The following BACH2 variants were observed in gnomAD, a reference collection of about 807,000 sequenced individuals.
BACH2 encodes BACH transcriptional regulator 2.
Under a neutral mutation model 61.8 loss-of-function variants are expected in BACH2, and 5 were observed. The ratio of observed to expected loss-of-function variants is 0.08; its 90% confidence interval spans 0.04 to 0.17. The LOEUF (loss-of-function observed/expected upper bound fraction) is 0.17. BACH2 is among the 10% of genes least tolerant of loss of function. The probability of loss-of-function intolerance (pLI) is 1.00; values close to 1 mark genes in which losing one functional copy is unlikely to be tolerated. For missense variants in BACH2, 824 were observed against 1,091.1 expected, an observed-to-expected ratio of 0.76 and a Z score of 3.45; for synonymous variants, 446 against 440.1, an observed-to-expected ratio of 1.01 and a Z score of -0.17.
chr6:90,217,249 T>C (rs1004591048), intron 3 of BACH2, among the ~76,000 whole-genome samples: 1 of 152,164 alleles, frequency 6.6e-6, no homozygotes, highest in Non-Finnish European at 1.5e-5. Context: ...ACTATCAAAA[T>C]TCAGTGGTAG....
At position 90,213,753 on chromosome 6, in the gene BACH2, G is replaced by A. The variant is rs533126512; in HGVS notation, c.-274-7072C>T. Among the ~76,000 whole-genome samples the A allele has an allele frequency of 2.6e-5, 4 of 152,150 alleles. No homozygotes were observed. In the South Asian group the frequency reaches 8.3e-4, roughly 32 times the overall value. On this transcript the variant is annotated intron_variant, in intron 3 of 8. Coordinates refer to ENST00000257749, the MANE Select transcript of BACH2 (RefSeq NM_021813.4). ...TACCCAAATACCCAGCACCTATCCC[G>A]CTGCCTTACATACATACAGTAGGCA...
At chr6:90,108,722 A>T (rs1395129807) in intron 4 of BACH2, among the ~76,000 whole-genome samples, 1 of 152,216 alleles carries the variant, frequency 6.6e-6, no homozygotes, top group Non-Finnish European at 1.5e-5. Flanking sequence ...CTCTAGACTT[A>T]AGATAGTGAA....
intron 3 of BACH2, among the ~76,000 whole-genome samples, chr6:90,246,344 T>C (rs1206421126): frequency 6.6e-6 from 1 of 152,216 alleles, no homozygotes; most frequent in Non-Finnish European, 1.5e-5. Context: ...AATACAATTT[T>C]TCCACTTTTA....
chr6:90,219,861 C>T (rs1404253562), intron 3 of BACH2, among the ~76,000 whole-genome samples: 1 of 152,116 alleles, frequency 6.6e-6, no homozygotes, highest in Non-Finnish European at 1.5e-5. Flanking sequence ...ACGTCAGTCT[C>T]ACACAGGATG....
chr6:89,938,274 T>C lies in BACH2; in HGVS notation c.1913A>G (p.Lys638Arg), dbSNP rs532565051. ...NDFQMMIKMH[K>R]LTSEQLEFIH... The stretch of plus-strand genomic sequence containing the variant: ...AAACTCTAACTGTTCTGAGGTTAGC[T>C]TGTGCATTTTAATCATCATCTGGAA... The change falls in exon 8 of 9, where the codon AAG (lysine) becomes AGG (arginine). Residue 638 changes from lysine (K) to arginine (R), a missense_variant. Around this residue, in one of 8 missense-constraint regions of BACH2, gnomAD observed 160 missense variants for 283.5 expected, o/e 0.56. Transcript: ENST00000257749. 2.5e-6 allele frequency: 4 copies of C among 1,614,266 alleles called. No individual in the cohort carries two copies. In the African/African-American group the frequency reaches 5.3e-5, roughly 21 times the overall value.
At chr6:90,270,717 G>GA (rs1238131722) in intron 2 of BACH2, among the ~76,000 whole-genome samples, 2 of 152,020 alleles carry the variant, frequency 1.3e-5, no homozygotes. Context: ...CATAGAACTA[G>GA]AAAAAACAAT....
intron 4 of BACH2, among the ~76,000 whole-genome samples, chr6:90,180,488 A>G (rs1259182349): frequency 6.6e-6 from 1 of 152,162 alleles, no homozygotes; most frequent in African/African-American, 2.4e-5. Context: ...CAAGTAGTGT[A>G]CACTGTACCC....
intron 6 of BACH2, among the ~76,000 whole-genome samples, chr6:89,998,003 G>A (rs990951406): frequency 2.6e-5 from 4 of 152,022 alleles, no homozygotes; most frequent in Non-Finnish European, 5.9e-5. Context: ...AAATAATCAG[G>A]AAAAAATGAG....
chr6:90,234,443 T>G (rs192105115), intron 3 of BACH2, among the ~76,000 whole-genome samples: 1 of 152,326 alleles, frequency 6.6e-6, no homozygotes, highest in South Asian at 2.1e-4. Context: ...AGAATTTCCA[T>G]GAAGGTCAAT....
intron 5 of BACH2, among the ~76,000 whole-genome samples, chr6:90,015,936 T>A (rs1346573899): frequency 6.6e-6 from 1 of 152,238 alleles, no homozygotes; most frequent in East Asian, 1.9e-4. Context: ...CTCATGCAGT[T>A]TGAAATCCTA....
chr6:90,261,950 CAG>C (rs1403244435), intron 2 of BACH2, among the ~76,000 whole-genome samples: 1 of 152,168 alleles, frequency 6.6e-6, no homozygotes, highest in African/African-American at 2.4e-5. Flanking sequence ...TCTGTAGGAG[CAG>C]AGTGACCCTC....
chr6:89,949,763 G>A (rs1773963237), intron 7 of BACH2, among the ~76,000 whole-genome samples: 1 of 152,200 alleles, frequency 6.6e-6, no homozygotes, highest in African/African-American at 2.4e-5. Flanking sequence ...TGATGGACAT[G>A]GGATGGCCCT....
chr6:90,286,781 A>C (rs572765531), intron 1 of BACH2, among the ~76,000 whole-genome samples: 1 of 152,328 alleles, frequency 6.6e-6, no homozygotes, highest in South Asian at 2.1e-4. Context: ...GTTAGAAAAA[A>C]AATCTTTATA....
At chr6:90,143,726 C>T (rs1003737494) in intron 4 of BACH2, among the ~76,000 whole-genome samples, 4 of 152,090 alleles carry the variant, frequency 2.6e-5, no homozygotes, top group Admixed American at 6.6e-5. Context: ...ACAGCTGAAA[C>T]GTCAGCTCCT....
At chr6:90,232,784 C>G (rs563931377) in intron 3 of BACH2, among the ~76,000 whole-genome samples, 4 of 152,278 alleles carry the variant, frequency 2.6e-5, no homozygotes, top group African/African-American at 9.6e-5. Flanking sequence ...TTCATAATAG[C>G]TGCCAAAAAG....
intron 8 of BACH2, among the ~76,000 whole-genome samples, chr6:89,934,401 T>G (rs891389332): frequency 6.6e-6 from 1 of 152,190 alleles, no homozygotes; most frequent in Non-Finnish European, 1.5e-5. Context: ...GGGTCATGCC[T>G]GTAATCCCAG....
intron 3 of BACH2, among the ~76,000 whole-genome samples, chr6:90,245,793 A>C (rs1770615000): frequency 6.6e-6 from 1 of 152,206 alleles, no homozygotes; most frequent in African/African-American, 2.4e-5. Context: ...GAGAAGTCTG[A>C]ATTTAAAGAT....
At chr6:90,275,464 C>T (rs1771660194) in intron 1 of BACH2, among the ~76,000 whole-genome samples, 1 of 152,198 alleles carries the variant, frequency 6.6e-6, no homozygotes, top group Middle Eastern at 3.4e-3. Flanking sequence ...AAAATACAAC[C>T]ATTTTAGAAT....
chr6:90,219,923 T>C (rs1769681982), intron 3 of BACH2, among the ~76,000 whole-genome samples: 1 of 151,880 alleles, frequency 6.6e-6, no homozygotes, highest in African/African-American at 2.4e-5. Flanking sequence ...GATTCTTTTT[T>C]CTGCACTAAG....
Sources: allele counts gnomAD v4.1 joint callset (sites outside exome capture counted in the v4.1 genomes callset), GRCh38; gene constraint gnomAD v4.1.1; regional missense constraint gnomAD v4.1.1; transcripts MANE v1.5; gene names NCBI Gene and HGNC (gene_info 2026-07-23, HGNC 2026-07-21).